OR2M3: variants seen among roughly 807,000 people sequenced by gnomAD.
The protein encoded by OR2M3 is olfactory receptor family 2 subfamily M member 3, also known as olfactory receptor 2M3.
A neutral mutation model predicts 4.3 loss-of-function variants in OR2M3; 1 was observed. The observed-to-expected ratio is 0.23, with a 90% CI of 0.08 to 1.11. The LOEUF is 1.11. OR2M3 is among the 50% of genes most tolerant of loss of function. OR2M3 has a pLI of 0.54. For missense variants in OR2M3, 410 were observed against 390.4 expected (o/e 1.05, Z -0.42); for synonymous variants, 151 against 139.4 (o/e 1.08, Z -0.59).
chr1:248,203,643 A>G lies in OR2M3; in HGVS notation c.576A>G (p.Thr192=). The G allele has an allele frequency of 2.5e-6, 4 of 1,613,816 alleles. No individual in the cohort carries two copies. Among genetic ancestry groups the G allele is most frequent in the Non-Finnish European group, 2.5e-6 (3 of 1,179,796 alleles). ...PSLLILSCSD[T]SIFEKILFIC... is the part of the protein sequence containing the mutation. ...TACTAATCCTCTCATGCAGTGACACATCAATATTTGAAAAGATTCTTTTCA... is the reference window on the plus strand; with the variant it reads ...TACTAATCCTCTCATGCAGTGACACGTCAATATTTGAAAAGATTCTTTTCA... The change falls in exon 2 of 2, where the codon ACA becomes ACG. Residue 192 remains threonine (T), a synonymous_variant. Coordinates refer to ENST00000641626, the MANE Select transcript of OR2M3 (RefSeq NM_001004689.2).
At position 248,206,234 on chromosome 1, in the gene OR2M3, A is replaced by G. The variant is rs559423101; in HGVS notation, c.*2228A>G. On this transcript the variant is annotated 3_prime_UTR_variant, in exon 2 of 2. Transcript: ENST00000641626. ...TAGGGTTTTCTATGTATTCCATCGT[A>G]TCATCAGCAAACAGCGACAGTTTTC... 3.9e-5 allele frequency: 6 copies of G among 152,056 alleles called. No individual in the cohort carries two copies. The highest frequency in any genetic ancestry group is 5.9e-5 in the Non-Finnish European group (4 of 67,968). The allele number at this position is 152,056 out of a possible 1,614,324, so 9.4% of individuals were successfully genotyped here. A position where few individuals can be genotyped will look rare whatever the true frequency, so the allele number is the denominator to read the frequency against.
At chr1:248,201,816 T>C (rs1443592069) in intron 1 of OR2M3, among the ~76,000 whole-genome samples, 3 of 152,144 alleles carry the variant, frequency 2.0e-5, no homozygotes, top group Admixed American at 2.0e-4. Context: ...AGGCTGCATT[T>C]ATCCTCTTAT....
intron 1 of OR2M3, among the ~76,000 whole-genome samples, chr1:248,199,805 A>G (rs1023363539): frequency 1.3e-5 from 2 of 152,250 alleles, no homozygotes; most frequent in South Asian, 2.1e-4. Flanking sequence ...GGCAAACTCA[A>G]TGAAGACAAT....
Position 248,212,617 on chromosome 1 carries a change from C to T in OR2M3, c.*8611C>T, listed in dbSNP as rs1409926807. 1 of 151,442 alleles carries T rather than the reference C, an allele frequency of 6.6e-6. No individual in the cohort carries two copies. Among genetic ancestry groups the T allele is most frequent in the East Asian group, 1.9e-4 (1 of 5,176 alleles). 9.4% of individuals were successfully genotyped at this position (151,442 alleles called of 1,614,324 possible). A position where few individuals can be genotyped will look rare whatever the true frequency, so the allele number is the denominator to read the frequency against. Reference sequence around the variant, plus strand: ...TGGTCTGGTATTAAAGAAGCATTTTCCAAAAGTTATTGTTTTATAATTTTA... The same window carrying T: ...TGGTCTGGTATTAAAGAAGCATTTTTCAAAAGTTATTGTTTTATAATTTTA... On this transcript the variant is annotated 3_prime_UTR_variant, in exon 2 of 2. Transcript: ENST00000641626.
At chr1:248,202,924 C>T (rs1234626806) in intron 1 of OR2M3, 126 bp from the exon 2 acceptor site, 5 of 826,442 alleles carry the variant, frequency 6.1e-6, no homozygotes, top group Non-Finnish European at 9.7e-6. Context: ...ATTTCTTGAC[C>T]TTTTAGTTTC....
rs1666176004 is a variant in OR2M3, at chr1:248,203,086, A to G, written c.19A>G (p.Thr7Ala). 4 of 1,613,264 alleles carry G rather than the reference A, an allele frequency of 2.5e-6. No homozygotes were observed. Among genetic ancestry groups the G allele is most frequent in the African/African-American group, 1.3e-5 (1 of 74,864 alleles). The change falls in exon 2 of 2, where the codon ACC (threonine) becomes GCC (alanine). Residue 7 changes from threonine (T) to alanine (A), a missense_variant. Physicochemically the swap from Thr to Ala is moderately conservative, Grantham distance 58. Coordinates refer to ENST00000641626, the MANE Select transcript of OR2M3 (RefSeq NM_001004689.2). ...ACACATCATGGCAAGGGAGAATTCG[A>G]CCTTCAACTCCGACTTCATCCTCCT... MARENS[T>A]FNSDFILLGI...
At chr1:248,199,138 ATAG>A (rs72482062) in intron 1 of OR2M3, among the ~76,000 whole-genome samples, 1,757 of 152,230 alleles carry the variant, frequency 0.012, 19 homozygotes, top group Admixed American at 0.015. Flanking sequence ...CAAAAGAAAC[ATAG>A]TAGATTAGAT....
chr1:248,198,706 G>T (rs1188933277), intron 1 of OR2M3, among the ~76,000 whole-genome samples: 1 of 152,062 alleles, frequency 6.6e-6, no homozygotes, highest in Non-Finnish European at 1.5e-5. Context: ...CTATTGCTCT[G>T]GCAGGTGTAG....
In OR2M3 at chr1:248,203,529, G is replaced by C; in HGVS notation, c.462G>C (p.Thr154=). Residue 154 remains threonine (T), a synonymous_variant, in exon 2 of 2, where the codon ACG becomes ACC. Coordinates refer to ENST00000641626, the MANE Select transcript of OR2M3 (RefSeq NM_001004689.2). ...MTAFSWILGS[T]DGIIDVVATF... ...CCTTTTCCTGGATCCTGGGCTCTAC[G>C]GATGGAATTATTGATGTTGTAGCAA... 2 of 1,613,586 alleles carry C rather than the reference G, an allele frequency of 1.2e-6. No individual in the cohort carries two copies. The highest frequency in any genetic ancestry group is 1.7e-6 in the Non-Finnish European group (2 of 1,179,756).
chr1:248,198,671 C>G (rs1334800992), intron 1 of OR2M3, among the ~76,000 whole-genome samples: 1 of 152,138 alleles, frequency 6.6e-6, no homozygotes, highest in Non-Finnish European at 1.5e-5. Context: ...AATTTCTCAA[C>G]AAGATTTTCA....
In OR2M3 at chr1:248,208,647, C is replaced by A. The variant is rs546807813; in HGVS notation, c.*4641C>A. On this transcript the variant is annotated 3_prime_UTR_variant, in exon 2 of 2. Transcript: ENST00000641626. ...TTATTTAAGGAGGCTGATGATAGGG[C>A]GCCAATCCCTTCTAGCTTGTAGGGC... The A allele has an allele frequency of 6.6e-6, 1 of 152,264 alleles. No individual in the cohort carries two copies. The highest frequency in any genetic ancestry group is 2.1e-4 in the South Asian group (1 of 4,826). The allele number at this position is 152,264 out of a possible 1,614,324, so 9.4% of individuals were successfully genotyped here. A position where few individuals can be genotyped will look rare whatever the true frequency, so the allele number is the denominator to read the frequency against.
At chr1:248,201,562 A>G (rs1287959548) in intron 1 of OR2M3, among the ~76,000 whole-genome samples, 2 of 152,070 alleles carry the variant, frequency 1.3e-5, no homozygotes, top group Middle Eastern at 3.4e-3. Flanking sequence ...GTCATTTAAC[A>G]TTAGGTATAT....
rs1312937800 is a variant in OR2M3, at chr1:248,206,841, A to G, written c.*2835A>G. On this transcript the variant is annotated 3_prime_UTR_variant, in exon 2 of 2. Coordinates refer to ENST00000641626, the MANE Select transcript of OR2M3 (RefSeq NM_001004689.2). ...ACAGTGGCTCCACAGAATGATTTAC[A>G]AAGGATTCCCTCTTTATCCTTTGGA... The G allele has an allele frequency of 1.1e-4, 17 of 152,022 alleles. No homozygotes were observed. The highest frequency in any genetic ancestry group is 1.1e-3 in the Admixed American group (17 of 15,252). 9.4% of individuals were successfully genotyped at this position (152,022 alleles called of 1,614,324 possible).
chr1:248,200,810 A>C (rs983600363), intron 1 of OR2M3, among the ~76,000 whole-genome samples: 2 of 152,076 alleles, frequency 1.3e-5, no homozygotes, highest in African/African-American at 4.8e-5. Flanking sequence ...TAAATAAATA[A>C]AAGTCAAAAA....
rs1320056087 is a variant in OR2M3, at chr1:248,212,812, A to G, written c.*8806A>G. The G allele has an allele frequency of 1.3e-5, 2 of 152,032 alleles. No homozygotes were observed. The highest frequency in any genetic ancestry group is 3.9e-4 in the East Asian group (2 of 5,184). 9.4% of individuals were successfully genotyped at this position (152,032 alleles called of 1,614,324 possible). A position where few individuals can be genotyped will look rare whatever the true frequency, so the allele number is the denominator to read the frequency against. On this transcript the variant is annotated 3_prime_UTR_variant, in exon 2 of 2. Coordinates refer to ENST00000641626, the MANE Select transcript of OR2M3 (RefSeq NM_001004689.2). ...TATTTATTCTACAGAGTGTTGTTTTACAACATCCTATGTGAACTCATTTCT... is the reference window on the plus strand; with the variant it reads ...TATTTATTCTACAGAGTGTTGTTTTGCAACATCCTATGTGAACTCATTTCT...
At position 248,205,283 on chromosome 1, in the gene OR2M3, G is replaced by A. The variant is rs1466277995; in HGVS notation, c.*1277G>A. 1.3e-5 allele frequency: 2 copies of A among 151,888 alleles called. No individual in the cohort carries two copies. Among genetic ancestry groups the A allele is most frequent in the African/African-American group, 2.4e-5 (1 of 41,390 alleles). The allele number at this position is 151,888 out of a possible 1,614,324, so 9.4% of individuals were successfully genotyped here. ...GACCGTTCCTTTTGCAGTGCAAAAG[G>A]TCTTTAGTTTAATTAGTTCCCAGCT... On this transcript the variant is annotated 3_prime_UTR_variant, in exon 2 of 2. Coordinates refer to ENST00000641626, the MANE Select transcript of OR2M3 (RefSeq NM_001004689.2).
chr1:248,202,776 A>C (rs1269932195), intron 1 of OR2M3, among the ~76,000 whole-genome samples: 4 of 152,100 alleles, frequency 2.6e-5, no homozygotes, highest in Admixed American at 1.3e-4. Flanking sequence ...AAAAAAAAAA[A>C]AACTCCATCC....
In OR2M3 at chr1:248,208,132, C is replaced by T. The variant is rs1024390882; in HGVS notation, c.*4126C>T. The T allele has an allele frequency of 6.6e-6, 1 of 151,730 alleles. No homozygotes were observed. The highest frequency in any genetic ancestry group is 2.4e-5 in the African/African-American group (1 of 41,288). 9.4% of individuals were successfully genotyped at this position (151,730 alleles called of 1,614,324 possible). ...TTTTCTAATATAAGAATATCTATTC[C>T]TGCTTGCTTTTGGTGTCAATTTGCA... On this transcript the variant is annotated 3_prime_UTR_variant, in exon 2 of 2. Coordinates refer to ENST00000641626, the MANE Select transcript of OR2M3 (RefSeq NM_001004689.2).
rs1476879819 is a variant in OR2M3 at position 248,208,243 on chromosome 1, T to C, written c.*4237T>C. ...GTTTCCTGAAGATGCACAAACTTGG[T>C]TGGTGAATTCTTATCCATTCTGCCA... On this transcript the variant is annotated 3_prime_UTR_variant, in exon 2 of 2. Coordinates refer to ENST00000641626, the MANE Select transcript of OR2M3 (RefSeq NM_001004689.2). 1 of 152,134 alleles carries C rather than the reference T, an allele frequency of 6.6e-6. No individual in the cohort carries two copies. The highest frequency in any genetic ancestry group is 1.9e-4 in the East Asian group (1 of 5,202). 9.4% of individuals were successfully genotyped at this position (152,134 alleles called of 1,614,324 possible). A position where few individuals can be genotyped will look rare whatever the true frequency, so the allele number is the denominator to read the frequency against.
Sources: gnomAD v4.1 joint callset for allele counts (sites outside exome capture counted in the v4.1 genomes callset) on GRCh38, gnomAD v4.1.1 for gene constraint, MANE v1.5 for transcripts, NCBI Gene and HGNC (gene_info 2026-07-23, HGNC 2026-07-21) for gene names.